The following NUF2 variants were observed in gnomAD, a reference collection of about 807,000 sequenced individuals.
The protein encoded by NUF2 is NUF2 component of NDC80 kinetochore complex.
Under a neutral mutation model 61.8 loss-of-function variants are expected in NUF2, and 34 were observed. That is an observed-to-expected ratio of 0.55 (90% CI 0.42 to 0.73). The LOEUF (loss-of-function observed/expected upper bound fraction) is 0.73, where lower values mean the gene tolerates loss of function less well. NUF2 is among the 30% of genes least tolerant of loss of function. The pLI, the probability that NUF2 is intolerant of heterozygous loss-of-function variation, is 0.00. For missense variants in NUF2, 445 were observed against 539.1 expected (o/e 0.83, Z 1.73); for synonymous variants, 172 against 181.6 (o/e 0.95, Z 0.42).
intron 5 of NUF2, among the ~76,000 whole-genome samples, chr1:163,334,568 G>A (rs1533024): frequency 0.42 from 63,233 of 151,976 alleles, 13,547 homozygotes; most frequent in South Asian, 0.59. Flanking sequence ...TTGAGTCCAG[G>A]AGTTTGAGAC....
At chr1:163,324,340 T>G (rs535612957) in intron 1 of NUF2, among the ~76,000 whole-genome samples, 1 of 152,282 alleles carries the variant, frequency 6.6e-6, no homozygotes, top group South Asian at 2.1e-4. Context: ...GAAGAGTTAT[T>G]TAATTTGGAA....
intron 11 of NUF2, 131 bp from the exon 12 acceptor site, chr1:163,347,632 T>C (rs1651176383): frequency 7.8e-6 from 5 of 642,996 alleles, no homozygotes; most frequent in Admixed American, 3.7e-5. Context: ...TGCCGGACTT[T>C]CAGGTTTTAA....
chr1:163,329,661 G>C (rs1015227502), intron 5 of NUF2, among the ~76,000 whole-genome samples: 2 of 152,182 alleles, frequency 1.3e-5, no homozygotes, highest in African/African-American at 4.8e-5. Context: ...ACTCACTGTA[G>C]ACAGGACAGC....
rs555414566 is a variant in NUF2 at position 163,328,356 on chromosome 1, A to G, written c.275+52A>G. 4.7e-5 allele frequency: 54 copies of G among 1,152,332 alleles called. No homozygotes were observed. The African/African-American group carries it at 6.5e-4, about 14-fold the overall frequency. The allele number at this position is 1,152,332 out of a possible 1,614,324, so 71.4% of individuals were successfully genotyped here. A position where few individuals can be genotyped will look rare whatever the true frequency, so the allele number is the denominator to read the frequency against. On this transcript the variant is annotated intron_variant, in intron 4 of 13. Coordinates refer to ENST00000271452, the MANE Select transcript of NUF2 (RefSeq NM_145697.3). ...TCGTCTACATTCGTATTTATATTACATTAAGTTTTCTTAATGACATGGTTT... is the reference window on the plus strand; with the variant it reads ...TCGTCTACATTCGTATTTATATTACGTTAAGTTTTCTTAATGACATGGTTT...
intron 13 of NUF2, among the ~76,000 whole-genome samples, chr1:163,352,987 T>C (rs2101694279): frequency 6.6e-6 from 1 of 152,368 alleles, no homozygotes; most frequent in East Asian, 1.9e-4. Flanking sequence ...CTCTCTCAAA[T>C]ACTATAGCAC....
At chr1:163,346,095 C>T (rs768191191) in intron 11 of NUF2, 2 of 202,242 alleles carry the variant, frequency 9.9e-6, no homozygotes, top group Non-Finnish European at 9.9e-6. Context: ...CCCCCTTATC[C>T]TTAGGAGATT....
intron 5 of NUF2, 74 bp from the exon 6 acceptor site, chr1:163,336,677 G>A: frequency 1.1e-6 from 1 of 883,116 alleles, no homozygotes. Flanking sequence ...ATATATAGTG[G>A]AAGAGGATGA....
At chr1:163,343,400 C>G (rs369308076) in intron 9 of NUF2, among the ~76,000 whole-genome samples, 3 of 152,034 alleles carry the variant, frequency 2.0e-5, no homozygotes, top group African/African-American at 7.3e-5. Flanking sequence ...TCTAGGAGGA[C>G]CCTACTGGTC....
At chr1:163,336,373 T>C (rs1396449706) in intron 5 of NUF2, among the ~76,000 whole-genome samples, 6 of 152,224 alleles carry the variant, frequency 3.9e-5, no homozygotes, top group Non-Finnish European at 8.8e-5. Flanking sequence ...TGTAAACTCT[T>C]CAGTCATGGA....
At chr1:163,348,389 T>C (rs1651204334) in intron 12 of NUF2, among the ~76,000 whole-genome samples, 1 of 152,200 alleles carries the variant, frequency 6.6e-6, no homozygotes, top group African/African-American at 2.4e-5. Context: ...TACGTTAGGG[T>C]ACTTTATTGG....
intron 5 of NUF2, among the ~76,000 whole-genome samples, chr1:163,331,299 T>C (rs1425599412): frequency 6.6e-6 from 1 of 152,008 alleles, no homozygotes; most frequent in Admixed American, 6.6e-5. Context: ...TTTTTTAATC[T>C]ACCAAATTAC....
chr1:163,328,740 A>G (rs929566624), intron 4 of NUF2, 106 bp from the exon 5 acceptor site: 1 of 740,752 alleles, frequency 1.3e-6, no homozygotes, highest in Non-Finnish European at 2.3e-6. Flanking sequence ...GACCTTAAGA[A>G]ATATATCCAG....
intron 13 of NUF2, among the ~76,000 whole-genome samples, chr1:163,350,910 C>T (rs1270856455): frequency 6.6e-6 from 1 of 152,056 alleles, no homozygotes; most frequent in Non-Finnish European, 1.5e-5. Flanking sequence ...AAAATTCTGT[C>T]TCTTATTTTG....
chr1:163,340,097 A>T (rs973014849), intron 8 of NUF2, among the ~76,000 whole-genome samples: 3 of 152,088 alleles, frequency 2.0e-5, no homozygotes, highest in African/African-American at 7.2e-5. Context: ...CAAAATAAAA[A>T]TTTTTTCTTT....
At chr1:163,331,668 C>T (rs1405825768) in intron 5 of NUF2, among the ~76,000 whole-genome samples, 1 of 151,900 alleles carries the variant, frequency 6.6e-6, no homozygotes, top group Non-Finnish European at 1.5e-5. Context: ...AATTCAAAGT[C>T]TTTAATAGGT....
chr1:163,351,302 C>T (rs1489818140), intron 13 of NUF2, among the ~76,000 whole-genome samples: 1 of 152,128 alleles, frequency 6.6e-6, no homozygotes, highest in East Asian at 1.9e-4. Context: ...TTATATTGAC[C>T]TTGTGATCAG....
intron 4 of NUF2, 192 bp from the exon 5 acceptor site, chr1:163,328,654 A>G (rs914400495): frequency 3.1e-5 from 16 of 524,436 alleles, no homozygotes; most frequent in Admixed American, 3.6e-5. Flanking sequence ...GCATGACTAC[A>G]TGATTAATAT....
intron 5 of NUF2, among the ~76,000 whole-genome samples, chr1:163,331,762 A>T (rs1214826412): frequency 6.6e-6 from 1 of 152,022 alleles, no homozygotes; most frequent in Non-Finnish European, 1.5e-5. Flanking sequence ...TTAGGTTGGC[A>T]AATTTGTTAA....
intron 11 of NUF2, among the ~76,000 whole-genome samples, chr1:163,347,478 A>G (rs1409398801): frequency 6.6e-6 from 1 of 151,948 alleles, no homozygotes; most frequent in African/African-American, 2.4e-5. Context: ...TCAGATCCTA[A>G]CCCCTCAACT....
Sources: gnomAD v4.1 joint callset for allele counts (sites outside exome capture counted in the v4.1 genomes callset) on GRCh38, gnomAD v4.1.1 for gene constraint, MANE v1.5 for transcripts, NCBI Gene and HGNC (gene_info 2026-07-23, HGNC 2026-07-21) for gene names.